MYL1: variants seen among roughly 807,000 people sequenced by gnomAD.
MYL1 encodes myosin light chain 1/3, skeletal muscle isoform.
Under a neutral mutation model 21.8 loss-of-function variants are expected in MYL1, and 16 were observed. That is an observed-to-expected ratio of 0.74 (90% CI 0.50 to 1.12). The LOEUF is 1.12. Ranked by LOEUF, MYL1 falls within the 50% of genes most tolerant of loss-of-function variation. The probability of loss-of-function intolerance (pLI) is 0.00; values close to 1 mark genes in which losing one functional copy is unlikely to be tolerated. For synonymous variants in MYL1, 99 were observed against 85.2 expected (o/e 1.16, Z -0.89); for missense variants, 246 against 241.0 (o/e 1.02, Z -0.14).
intron 1 of MYL1, among the ~76,000 whole-genome samples, chr2:210,307,913 A>C (rs772408396): frequency 6.6e-6 from 1 of 152,188 alleles, no homozygotes; most frequent in Admixed American, 6.5e-5. Flanking sequence ...AAATATTAAA[A>C]CGCTGTTAAT....
At chr2:210,312,619 G>A (rs1410373044) in intron 1 of MYL1, among the ~76,000 whole-genome samples, 1 of 151,872 alleles carries the variant, frequency 6.6e-6, no homozygotes, top group African/African-American at 2.4e-5. Context: ...ATTAATGAAT[G>A]CAAAGCATTG....
chr2:210,296,347 G>A (rs1165972965), intron 3 of MYL1, among the ~76,000 whole-genome samples: 1 of 152,108 alleles, frequency 6.6e-6, no homozygotes, highest in Non-Finnish European at 1.5e-5. Context: ...TGCTAGTATA[G>A]TCATCCTATA....
chr2:210,293,856 C>T, intron 4 of MYL1, 56 bp from the exon 5 acceptor site: 2 of 1,486,632 alleles, frequency 1.3e-6, no homozygotes, highest in Non-Finnish European at 1.9e-6. Flanking sequence ...TTTCAAAATC[C>T]ACCATAGGTC....
At chr2:210,298,672 C>T (rs1394426758) in intron 2 of MYL1, 109 bp from the exon 3 acceptor site, 2 of 1,201,446 alleles carry the variant, frequency 1.7e-6, no homozygotes, top group Non-Finnish European at 2.3e-6. Flanking sequence ...CAACTTCTGC[C>T]AACTATGCAA....
At chr2:210,300,825 C>G (rs968344985) in intron 2 of MYL1, among the ~76,000 whole-genome samples, 7 of 152,088 alleles carry the variant, frequency 4.6e-5, no homozygotes, top group African/African-American at 1.4e-4. Context: ...TCCTTCAATC[C>G]TGTGATAGAT....
chr2:210,306,120 C>T lies in MYL1; in HGVS notation c.133-3605G>A, dbSNP rs189840573. ...TTTATGCCAGGTGTGGTGGCTCATGCGTGTAATCCCAGCACTTTGGGAGGC... is the reference window on the plus strand; with the variant it reads ...TTTATGCCAGGTGTGGTGGCTCATGTGTGTAATCCCAGCACTTTGGGAGGC... On this transcript the variant is annotated intron_variant, in intron 1 of 6. Transcript: ENST00000352451. Among the ~76,000 whole-genome samples the T allele has an allele frequency of 2.4e-3, 369 of 151,862 alleles. 1 individual carries two copies. The highest frequency in any genetic ancestry group is 8.6e-3 in the African/African-American group (356 of 41,416).
chr2:210,302,163 T>A (rs1248159207), intron 2 of MYL1, among the ~76,000 whole-genome samples: 1 of 152,196 alleles, frequency 6.6e-6, no homozygotes, highest in East Asian at 1.9e-4. Flanking sequence ...AATTTAGCCA[T>A]CTAAAATCTA....
intron 3 of MYL1, among the ~76,000 whole-genome samples, chr2:210,294,629 C>A (rs181692387): frequency 1.1e-3 from 168 of 152,180 alleles, no homozygotes; most frequent in Non-Finnish European, 1.9e-3. Context: ...CCCAGTCTAC[C>A]ATTTGCAACT....
chr2:210,302,831 G>A, intron 1 of MYL1: 1 of 1,550,802 alleles, frequency 6.4e-7, no homozygotes, highest in South Asian at 1.2e-5. Flanking sequence ...AAAAAAACTA[G>A]TACTCTTTCA....
At chr2:210,313,036 T>C (rs1690440028) in intron 1 of MYL1, among the ~76,000 whole-genome samples, 1 of 151,850 alleles carries the variant, frequency 6.6e-6, no homozygotes, top group South Asian at 2.1e-4. Context: ...AAGTGTTGCT[T>C]CTCTGCTGAC....
intron 3 of MYL1, among the ~76,000 whole-genome samples, chr2:210,296,673 G>T (rs1690178660): frequency 6.6e-6 from 1 of 152,062 alleles, no homozygotes; most frequent in Non-Finnish European, 1.5e-5. Flanking sequence ...GTGCACATCT[G>T]TAGTCTTAGT....
intron 2 of MYL1, among the ~76,000 whole-genome samples, chr2:210,300,535 G>A (rs1205471365): frequency 6.6e-6 from 1 of 151,842 alleles, no homozygotes; most frequent in Non-Finnish European, 1.5e-5. Flanking sequence ...TTTACTATTT[G>A]GCCTTTTAAG....
rs142821726 is a variant in MYL1 at position 210,315,005 on chromosome 2, G to A, written c.38C>T (p.Ala13Val). Residue 13 changes from alanine (A) to valine (V), a missense_variant, in exon 1 of 7, where the codon GCG (alanine) becomes GTG (valine). Ala to Val is a moderately conservative substitution (Grantham distance 64). Transcript: ENST00000352451. ...PKKDVKKPVA[A>V]AAAAPAPAPA... The stretch of plus-strand genomic sequence containing the variant: ...TGCCGGGGCTGGGGCAGCCGCAGCC[G>A]CAGCCACAGGTTTCTTCACGTCTTT... 2.5e-5 allele frequency: 40 copies of A among 1,605,708 alleles called. No homozygotes were observed. The African/African-American group carries it at 3.1e-4, about 12-fold the overall frequency.
At chr2:210,301,635 G>C (rs1690266705) in intron 2 of MYL1, among the ~76,000 whole-genome samples, 1 of 151,810 alleles carries the variant, frequency 6.6e-6, no homozygotes, top group Non-Finnish European at 1.5e-5. Flanking sequence ...AGTTCACTTA[G>C]ATATGTGACT....
chr2:210,297,597 TC>T (rs1238497497), intron 3 of MYL1, among the ~76,000 whole-genome samples: 1 of 152,030 alleles, frequency 6.6e-6, no homozygotes, highest in Non-Finnish European at 1.5e-5. Context: ...ATGTGTCTTG[TC>T]TTTTTTGTTT....
chr2:210,305,356 T>A (rs1198471596), intron 1 of MYL1, among the ~76,000 whole-genome samples: 1 of 152,146 alleles, frequency 6.6e-6, no homozygotes, highest in Non-Finnish European at 1.5e-5. Flanking sequence ...AAATGAAATT[T>A]AATAGAAAAA....
At chr2:210,298,737 G>A (rs556561707) in intron 2 of MYL1, among the ~76,000 whole-genome samples, 174 bp from the exon 3 acceptor site, 2 of 152,176 alleles carry the variant, frequency 1.3e-5, no homozygotes, top group South Asian at 4.1e-4. Flanking sequence ...CAAAAACTTA[G>A]CATTTCTTTT....
intron 1 of MYL1, among the ~76,000 whole-genome samples, chr2:210,306,559 G>A (rs1392496184): frequency 1.3e-5 from 2 of 151,896 alleles, no homozygotes; most frequent in African/African-American, 4.8e-5. Context: ...GATTTTTTTG[G>A]TACTTACTGA....
intron 1 of MYL1, among the ~76,000 whole-genome samples, chr2:210,308,428 A>G (rs1344905365): frequency 2.1e-5 from 2 of 95,120 alleles, no homozygotes; most frequent in South Asian, 3.6e-4. Flanking sequence ...ATATATATAT[A>G]TATATATATA....
Sources: gnomAD v4.1 joint callset for allele counts (sites outside exome capture counted in the v4.1 genomes callset) on GRCh38, gnomAD v4.1.1 for gene constraint, MANE v1.5 for transcripts, NCBI Gene and HGNC (gene_info 2026-07-23, HGNC 2026-07-21) for gene names.